Variants in PEX13 observed in about 807,000 individuals in gnomAD.
PEX13 encodes the protein peroxisome biogenesis factor 13.
Under a neutral mutation model 34.5 loss-of-function variants are expected in PEX13, and 28 were observed. The ratio of observed to expected loss-of-function variants is 0.81; its 90% CI spans 0.60 to 1.11. The LOEUF (loss-of-function observed/expected upper bound fraction) is 1.11, where lower values mean the gene tolerates loss of function less well. PEX13 is among the 50% of genes most tolerant of loss of function. The probability of loss-of-function intolerance (pLI) is 0.00; values close to 1 mark genes in which losing one functional copy is unlikely to be tolerated. For missense variants in PEX13, 550 were observed against 491.0 expected (o/e 1.12, Z -1.13); for synonymous variants, 177 against 175.1 (o/e 1.01, Z -0.09).
chr2:61,044,054 A>T (rs568335140), intron 2 of PEX13, among the ~76,000 whole-genome samples: 1 of 151,926 alleles, frequency 6.6e-6, no homozygotes, highest in African/African-American at 2.4e-5. Context: ...GGCTCACATG[A>T]TTCTCCCACC....
intron 1 of PEX13, 122 bp from the exon 2 acceptor site, chr2:61,031,297 C>G: frequency 2.6e-6 from 2 of 773,496 alleles, no homozygotes; most frequent in Non-Finnish European, 4.4e-6. Context: ...GTCTCTAAAT[C>G]AATTAATCAG....
intron 3 of PEX13, among the ~76,000 whole-genome samples, chr2:61,048,089 A>G (rs1305313554): frequency 9.2e-5 from 14 of 152,212 alleles, no homozygotes; most frequent in South Asian, 4.1e-4. Flanking sequence ...TATCTTTTCT[A>G]TACTTATTCC....
At chr2:61,023,362 C>T (rs1488106844) in intron 1 of PEX13, among the ~76,000 whole-genome samples, 2 of 151,492 alleles carry the variant, frequency 1.3e-5, no homozygotes, top group African/African-American at 2.4e-5. Flanking sequence ...TACGTTTGGT[C>T]CTCTAGCTTT....
At position 61,049,825 on chromosome 2, in the gene PEX13, G is replaced by A. The variant is rs1680766421; in HGVS notation, c.*1055G>A. On this transcript the variant is annotated 3_prime_UTR_variant, in exon 4 of 4. Transcript: ENST00000295030. ...TAAAATATGACTAGTTTTCATACTGGGTGAATCAGAAGTATATGAAAGGTA... is the reference window on the plus strand; with the variant it reads ...TAAAATATGACTAGTTTTCATACTGAGTGAATCAGAAGTATATGAAAGGTA... The A allele has an allele frequency of 6.6e-6, 1 of 151,876 alleles. No homozygotes were observed. The highest frequency in any genetic ancestry group is 2.4e-5 in the African/African-American group (1 of 41,350). 9.4% of individuals were successfully genotyped at this position (151,876 alleles called of 1,614,324 possible).
chr2:61,035,644 A>AAAAGCCAC, intron 2 of PEX13, among the ~76,000 whole-genome samples: 1 of 152,352 alleles, frequency 6.6e-6, no homozygotes, highest in East Asian at 1.9e-4. Flanking sequence ...TGATGGAGCT[A>AAAAGCCAC]AAAGCCACAG....
chr2:61,031,982 C>T lies in PEX13; in HGVS notation c.656C>T (p.Ala219Val), dbSNP rs1680459215. The T allele has an allele frequency of 1.2e-6, 2 of 1,613,824 alleles. No individual in the cohort carries two copies. Among genetic ancestry groups the T allele is most frequent in the Non-Finnish European group, 1.7e-6 (2 of 1,179,836 alleles). Residue 219 changes from alanine (A) to valine (V), a missense_variant, in exon 2 of 4, where the codon GCA (alanine) becomes GTA (valine). Physicochemically the swap from Ala to Val is moderately conservative, Grantham distance 64. Coordinates refer to ENST00000295030, the MANE Select transcript of PEX13 (RefSeq NM_002618.4). ...DLWAESEGTV[A>V]CLGAEDRAAT... is the part of the protein sequence containing the mutation. Reference sequence around the variant, plus strand: ...TGGGCAGAGAGTGAAGGAACTGTGGCATGCCTTGGTGCTGAGGACCGAGCA... The same window carrying T: ...TGGGCAGAGAGTGAAGGAACTGTGGTATGCCTTGGTGCTGAGGACCGAGCA...
At chr2:61,045,149 A>G (rs1680686399) in intron 2 of PEX13, among the ~76,000 whole-genome samples, 1 of 152,198 alleles carries the variant, frequency 6.6e-6, no homozygotes, top group Non-Finnish European at 1.5e-5. Context: ...TCATAGACTC[A>G]TATTAGGATT....
intron 3 of PEX13, among the ~76,000 whole-genome samples, chr2:61,047,246 C>T (rs567895285): frequency 6.6e-6 from 1 of 152,228 alleles, no homozygotes; most frequent in East Asian, 1.9e-4. Flanking sequence ...ACCTCCGCCT[C>T]CCGGGTTCAA....
chr2:61,045,970 ACTT>A, intron 3 of PEX13, 119 bp downstream of exon 3: 2 of 891,064 alleles, frequency 2.2e-6, no homozygotes, highest in Non-Finnish European at 1.8e-6. Context: ...AGTTACTAGA[ACTT>A]CTTTTTCATG....
intron 2 of PEX13, among the ~76,000 whole-genome samples, chr2:61,041,046 C>G (rs977952676): frequency 6.6e-6 from 1 of 151,938 alleles, no homozygotes; most frequent in African/African-American, 2.4e-5. Context: ...ATTGGGATTA[C>G]TCACCCCTGT....
At chr2:61,023,330 G>A (rs1680294435) in intron 1 of PEX13, among the ~76,000 whole-genome samples, 3 of 151,792 alleles carry the variant, frequency 2.0e-5, no homozygotes, top group African/African-American at 7.3e-5. Context: ...TAGGCAGACT[G>A]CCTTCTCCTT....
intron 2 of PEX13, among the ~76,000 whole-genome samples, chr2:61,044,128 A>G (rs1339327844): frequency 6.6e-6 from 1 of 151,990 alleles, no homozygotes; most frequent in Non-Finnish European, 1.5e-5. Context: ...TTATTTATTT[A>G]TTGTGGAGAC....
intron 1 of PEX13, among the ~76,000 whole-genome samples, chr2:61,024,484 T>C (rs1680316466): frequency 6.6e-6 from 1 of 152,210 alleles, no homozygotes; most frequent in Non-Finnish European, 1.5e-5. Context: ...TTCACTGATA[T>C]TTTTCTTTCA....
chr2:61,051,047 G>C lies in PEX13; in HGVS notation c.*2277G>C, dbSNP rs895737249. Reference sequence around the variant, plus strand: ...AACTTTACTAAAGGCTTCTTGGAAAGCCCTTTTTTGAAACGACAGTATCGT... The same window carrying C: ...AACTTTACTAAAGGCTTCTTGGAAACCCCTTTTTTGAAACGACAGTATCGT... On this transcript the variant is annotated 3_prime_UTR_variant, in exon 4 of 4. Transcript: ENST00000295030. 6.6e-6 allele frequency: 1 copy of C among 152,310 alleles called. No homozygotes were observed. 9.4% of individuals were successfully genotyped at this position (152,310 alleles called of 1,614,324 possible).
At chr2:61,038,371 A>G (rs1032774229) in intron 2 of PEX13, among the ~76,000 whole-genome samples, 2 of 152,196 alleles carry the variant, frequency 1.3e-5, no homozygotes, top group East Asian at 1.9e-4. Context: ...ATATTGGCCA[A>G]CCGAATCCAG....
intron 2 of PEX13, 92 bp from the exon 3 acceptor site, chr2:61,045,634 G>A (rs924686487): frequency 2.3e-5 from 27 of 1,155,170 alleles, no homozygotes; most frequent in Non-Finnish European, 3.5e-5. Context: ...TTTTCTCTTG[G>A]CAAATTTATG....
intron 1 of PEX13, among the ~76,000 whole-genome samples, chr2:61,026,216 A>G (rs531873118): frequency 6.6e-6 from 1 of 152,044 alleles, no homozygotes; most frequent in South Asian, 2.1e-4. Flanking sequence ...TACCTCGACA[A>G]CCATTACTTA....
intron 1 of PEX13, among the ~76,000 whole-genome samples, chr2:61,029,761 A>T (rs1016453806): frequency 1.1e-4 from 16 of 151,622 alleles, no homozygotes; most frequent in African/African-American, 3.9e-4. Context: ...GCGGTGAGCT[A>T]TGATCATGCC....
At chr2:61,037,504 G>C (rs946980748) in intron 2 of PEX13, among the ~76,000 whole-genome samples, 1 of 152,202 alleles carries the variant, frequency 6.6e-6, no homozygotes, top group Admixed American at 6.5e-5. Context: ...TGAACAACCT[G>C]TTACTGAATG....
Sources: allele counts gnomAD v4.1 joint callset (sites outside exome capture counted in the v4.1 genomes callset), GRCh38; gene constraint gnomAD v4.1.1; transcripts MANE v1.5; gene names NCBI Gene and HGNC (gene_info 2026-07-23, HGNC 2026-07-21).